The following EYA4 variants were observed in gnomAD, a reference collection of about 807,000 sequenced individuals.
EYA4 encodes EYA transcriptional coactivator and phosphatase 4.
Under a neutral mutation model 87.9 loss-of-function variants are expected in EYA4, and 31 were observed. The observed-to-expected ratio is 0.35, with a 90% CI of 0.27 to 0.48. The LOEUF is 0.48. EYA4 is among the 20% of genes least tolerant of loss of function. The probability of loss-of-function intolerance (pLI) is 0.99; values close to 1 mark genes in which losing one functional copy is unlikely to be tolerated. For synonymous variants in EYA4, 263 were observed against 270.6 expected (o/e 0.97, Z 0.28); for missense variants, 678 against 761.4 (o/e 0.89, Z 1.29).
chr6:133,509,166 C>G (rs1260134956), intron 14 of EYA4, among the ~76,000 whole-genome samples: 1 of 152,164 alleles, frequency 6.6e-6, no homozygotes, highest in African/African-American at 2.4e-5. Context: ...AGTACAGTTA[C>G]ATACATAGCG....
chr6:133,427,313 A>G (rs968220774), intron 3 of EYA4, among the ~76,000 whole-genome samples: 3 of 152,250 alleles, frequency 2.0e-5, no homozygotes, highest in Non-Finnish European at 4.4e-5. Flanking sequence ...TCTGAACGTC[A>G]TGATTTCTGT....
At chr6:133,316,389 T>C (rs2128342322) in intron 2 of EYA4, among the ~76,000 whole-genome samples, 1 of 152,160 alleles carries the variant, frequency 6.6e-6, no homozygotes, top group East Asian at 1.9e-4. Flanking sequence ...AGTTACATAA[T>C]CAGCTACTTA....
At chr6:133,378,385 A>G (rs920857092) in intron 2 of EYA4, among the ~76,000 whole-genome samples, 2 of 152,146 alleles carry the variant, frequency 1.3e-5, no homozygotes, top group African/African-American at 4.8e-5. Flanking sequence ...TACATAGTCT[A>G]GCAGAGTGAG....
In EYA4 at chr6:133,284,638, C is replaced by T. The variant is rs1183317908; in HGVS notation, c.33+9825C>T. 2.6e-5 allele frequency among the ~76,000 whole-genome samples: 4 copies of T among 152,308 alleles called. 1 individual carries two copies. The highest frequency in any genetic ancestry group is 6.8e-3 in the Middle Eastern group (2 of 294). On this transcript the variant is annotated intron_variant, in intron 2 of 19. Transcript: ENST00000355286. ...AGATGAATATAATAATTCCTTTTCT[C>T]CCCCTAAATTTTAGTTTAGCATAAG...
chr6:133,401,105 T>TG (rs1025050500), intron 3 of EYA4, among the ~76,000 whole-genome samples: 2 of 152,158 alleles, frequency 1.3e-5, no homozygotes, highest in African/African-American at 4.8e-5. Context: ...TGGATAGAAC[T>TG]GGGGGTCATT....
intron 17 of EYA4, among the ~76,000 whole-genome samples, chr6:133,517,887 T>C (rs1799738660): frequency 6.6e-6 from 1 of 152,184 alleles, no homozygotes; most frequent in South Asian, 2.1e-4. Context: ...ATTTCACCTG[T>C]TTCAGACGTT....
intron 2 of EYA4, among the ~76,000 whole-genome samples, chr6:133,346,507 G>A (rs565512053): frequency 2.9e-4 from 44 of 152,214 alleles, no homozygotes; most frequent in Middle Eastern, 3.4e-3. Flanking sequence ...CTTATCATTA[G>A]CAACCTTGGG....
intron 2 of EYA4, among the ~76,000 whole-genome samples, chr6:133,309,930 A>G (rs779033659): frequency 3.4e-4 from 51 of 152,134 alleles, no homozygotes; most frequent in Non-Finnish European, 5.0e-4. Context: ...GAAAAGAAAG[A>G]TATTTGGGAA....
intron 3 of EYA4, among the ~76,000 whole-genome samples, chr6:133,401,878 A>C (rs159425): frequency 2.0e-5 from 3 of 151,978 alleles, no homozygotes; most frequent in Admixed American, 2.0e-4. Context: ...ATTTCCCTGC[A>C]TACCTCTCTC....
At chr6:133,446,232 T>C (rs1183563837) in intron 3 of EYA4, among the ~76,000 whole-genome samples, 2 of 152,160 alleles carry the variant, frequency 1.3e-5, no homozygotes, top group Non-Finnish European at 2.9e-5. Flanking sequence ...CAGCTTAAAT[T>C]GCCAAGATGA....
intron 2 of EYA4, among the ~76,000 whole-genome samples, chr6:133,368,910 T>TTGAAAA (rs1785059136): frequency 6.6e-6 from 1 of 152,228 alleles, no homozygotes; most frequent in Non-Finnish European, 1.5e-5. Flanking sequence ...CAATCCTCCC[T>TTGAAAA]TGAAAATGAA....
intron 3 of EYA4, among the ~76,000 whole-genome samples, chr6:133,415,158 C>G (rs1438166760): frequency 6.6e-6 from 1 of 152,172 alleles, no homozygotes; most frequent in Non-Finnish European, 1.5e-5. Context: ...CTCACTTACC[C>G]ACACTGCTGG....
rs1419884116 is a variant in EYA4, at chr6:133,468,496, CT to C, written c.805-69del. On this transcript the variant is annotated intron_variant, in intron 10 of 19. Transcript: ENST00000355286. Reference sequence around the variant, plus strand: ...ACTAATCTTTCAGTTACCATAATGACTGGTTTTCTTGGGAGAGTATTAAAGA... The same window carrying C: ...ACTAATCTTTCAGTTACCATAATGACGGTTTTCTTGGGAGAGTATTAAAGA... 2.4e-6 allele frequency: 3 copies of C among 1,255,582 alleles called. No individual in the cohort carries two copies. In the African/African-American group the frequency reaches 4.5e-5, roughly 19 times the overall value. The allele number at this position is 1,255,582 out of a possible 1,614,324, so 77.8% of individuals were successfully genotyped here.
chr6:133,269,729 T>C (rs1026185540), intron 1 of EYA4, among the ~76,000 whole-genome samples: 6 of 152,190 alleles, frequency 3.9e-5, no homozygotes, highest in African/African-American at 1.4e-4. Flanking sequence ...CTACTGATAT[T>C]GAATATTCAA....
chr6:133,306,542 G>T (rs1394705692), intron 2 of EYA4, among the ~76,000 whole-genome samples: 1 of 152,160 alleles, frequency 6.6e-6, no homozygotes, highest in African/African-American at 2.4e-5. Flanking sequence ...CTTAAAGTTT[G>T]TGAGTGGCTG....
intron 12 of EYA4, 127 bp downstream of exon 12, chr6:133,481,726 T>A (rs1796236543): frequency 5.0e-6 from 5 of 1,009,570 alleles, no homozygotes; most frequent in Non-Finnish European, 6.1e-6. Flanking sequence ...TGAATGGAAC[T>A]ACTTTGTGAT....
chr6:133,388,106 C>A (rs1253165828), intron 3 of EYA4, among the ~76,000 whole-genome samples: 5 of 152,062 alleles, frequency 3.3e-5, no homozygotes, highest in African/African-American at 7.2e-5. Context: ...GTGATAATTG[C>A]AGCTTTAAAA....
Position 133,395,560 on chromosome 6 carries a change from G to A in EYA4, c.83+13119G>A, listed in dbSNP as rs112987114. 3.8e-3 allele frequency among the ~76,000 whole-genome samples: 580 copies of A among 152,278 alleles called. 5 individuals carry two copies. The highest frequency in any genetic ancestry group is 6.8e-3 in the Middle Eastern group (2 of 294). On this transcript the variant is annotated intron_variant, in intron 3 of 19. Transcript: ENST00000355286. ...AGATTATTTGAATTCAGGAGTTTGA[G>A]ACCAGCCTGGCCAACATGGTGAAAC...
intron 1 of EYA4, among the ~76,000 whole-genome samples, chr6:133,258,794 C>A (rs186582239): frequency 6.6e-6 from 1 of 152,084 alleles, no homozygotes; most frequent in South Asian, 2.1e-4. Flanking sequence ...CTACAAAGAA[C>A]ATCCAAGTAC....
Sources: allele counts gnomAD v4.1 joint callset (sites outside exome capture counted in the v4.1 genomes callset), GRCh38; gene constraint gnomAD v4.1.1; transcripts MANE v1.5; gene names NCBI Gene and HGNC (gene_info 2026-07-23, HGNC 2026-07-21).